STK33: variants seen among roughly 807,000 people sequenced by gnomAD.
STK33 encodes the protein serine/threonine-protein kinase 33.
STK33 carries 52 observed loss-of-function variants against 58.0 expected under a neutral mutation model. That is an observed-to-expected ratio of 0.90 (90% CI 0.72 to 1.13). The LOEUF (loss-of-function observed/expected upper bound fraction) is 1.13, where lower values mean the gene tolerates loss of function less well. Ranked by LOEUF, STK33 falls within the 50% of genes most tolerant of loss-of-function variation. The pLI is 0.00. For missense variants in STK33, 630 were observed against 604.2 expected (o/e 1.04, Z -0.45); for synonymous variants, 215 against 200.1 (o/e 1.07, Z -0.63).
intron 1 of STK33, among the ~76,000 whole-genome samples, chr11:8,553,178 A>ATATATATATATATATATGGTGTATG (rs1956440880): frequency 2.6e-5 from 2 of 75,614 alleles, no homozygotes; most frequent in African/African-American, 1.5e-4. Context: ...ATATATATAT[A>ATATATATATATATATATGGTGTATG]TATATATATA....
chr11:8,490,396 G>A (rs1287759587), intron 1 of STK33, among the ~76,000 whole-genome samples: 1 of 152,172 alleles, frequency 6.6e-6, no homozygotes, highest in Non-Finnish European at 1.5e-5. Flanking sequence ...GGCTTGAGTA[G>A]GTAAACAAAG....
chr11:8,488,459 G>A (rs1360656209), intron 1 of STK33, among the ~76,000 whole-genome samples: 1 of 152,100 alleles, frequency 6.6e-6, no homozygotes, highest in East Asian at 1.9e-4. Context: ...TGGAAGCTCT[G>A]CACAAGCAGG....
intron 1 of STK33, among the ~76,000 whole-genome samples, chr11:8,562,629 C>T (rs574524540): frequency 1.1e-4 from 17 of 151,566 alleles, no homozygotes; most frequent in Admixed American, 3.3e-4. Flanking sequence ...TTTTTGTTTG[C>T]TTTTCATTCT....
intron 1 of STK33, among the ~76,000 whole-genome samples, chr11:8,579,231 T>G (rs182047316): frequency 1.3e-5 from 2 of 152,024 alleles, no homozygotes; most frequent in Non-Finnish European, 2.9e-5. Context: ...CATCATACAT[T>G]TGGTATAGGT....
At chr11:8,569,128 G>A (rs1302701527) in intron 1 of STK33, among the ~76,000 whole-genome samples, 1 of 152,168 alleles carries the variant, frequency 6.6e-6, no homozygotes, top group Non-Finnish European at 1.5e-5. Flanking sequence ...TGGCTGCACA[G>A]TTTATAGAAA....
At chr11:8,374,134 T>C in the STK33 span, among the ~76,000 whole-genome samples, 12 of 152,204 alleles carry the variant, frequency 7.9e-5, no homozygotes, top group Non-Finnish European at 1.3e-4. Flanking sequence ...ATCTGGCTGA[T>C]GTCTCCAAGC....
chr11:8,339,411 T>C, the STK33 span, among the ~76,000 whole-genome samples: 12 of 152,194 alleles, frequency 7.9e-5, no homozygotes, highest in African/African-American at 2.9e-4. Context: ...AATTTTGTCT[T>C]TGGTAAATTT....
chr11:8,464,041 T>G (rs1292034448), intron 7 of STK33, among the ~76,000 whole-genome samples: 2 of 152,310 alleles, frequency 1.3e-5, no homozygotes, highest in East Asian at 3.9e-4. Flanking sequence ...AATGTGGTAT[T>G]TATCATCACA....
chr11:8,412,766 C>T (rs898367958), intron 15 of STK33, among the ~76,000 whole-genome samples: 1 of 152,108 alleles, frequency 6.6e-6, no homozygotes, highest in Non-Finnish European at 1.5e-5. Flanking sequence ...GGAAGGAGAA[C>T]AAACACATAC....
intron 15 of STK33, among the ~76,000 whole-genome samples, chr11:8,395,071 G>C (rs957690109): frequency 7.2e-5 from 11 of 152,182 alleles, no homozygotes; most frequent in African/African-American, 2.7e-4. Context: ...GGATGTGGTT[G>C]TCATTCCACT....
intron 1 of STK33, among the ~76,000 whole-genome samples, chr11:8,529,993 A>G (rs1290821712): frequency 6.6e-6 from 1 of 152,232 alleles, no homozygotes; most frequent in African/African-American, 2.4e-5. Context: ...GGATGTTTTT[A>G]AATGAACATG....
chr11:8,515,276 T>C (rs772360193), intron 1 of STK33, among the ~76,000 whole-genome samples: 1 of 152,126 alleles, frequency 6.6e-6, no homozygotes, highest in African/African-American at 2.4e-5. Flanking sequence ...AAGAGACTAC[T>C]ACGAACAATT....
At chr11:8,586,277 G>T (rs10840081) in intron 1 of STK33, among the ~76,000 whole-genome samples, 90,282 of 150,096 alleles carry the variant, frequency 0.6, 27,457 homozygotes, top group African/African-American at 0.65. Flanking sequence ...GCATAACAGG[G>T]TCTCTGTAAA....
intron 11 of STK33, among the ~76,000 whole-genome samples, chr11:8,452,334 T>A (rs1270433184): frequency 6.6e-6 from 1 of 152,102 alleles, no homozygotes; most frequent in Admixed American, 6.6e-5. Context: ...AATAACAAAA[T>A]TTTTTTAAAT....
intron 11 of STK33, among the ~76,000 whole-genome samples, chr11:8,449,818 T>C (rs1366446245): frequency 6.6e-6 from 1 of 152,080 alleles, no homozygotes. Context: ...TCATCACTGG[T>C]CTTTAGAGAA....
chr11:8,543,296 A>T lies in STK33; in HGVS notation c.-466+50787T>A, dbSNP rs1248216932. On this transcript the variant is annotated intron_variant, in intron 1 of 15. Transcript: ENST00000687296. ...TCAGTGATTAAGAGCTCAAAAATAT[A>T]TTTTTAACTATGGGAATTAAAACAT... Among the ~76,000 whole-genome samples, 3 of 152,238 alleles carry T rather than the reference A, an allele frequency of 2.0e-5. No homozygotes were observed. The East Asian group carries it at 5.8e-4, about 29-fold the overall frequency.
intron 1 of STK33, among the ~76,000 whole-genome samples, chr11:8,490,700 C>T (rs1950546600): frequency 6.6e-6 from 1 of 152,086 alleles, no homozygotes; most frequent in Non-Finnish European, 1.5e-5. Flanking sequence ...GGCAGGTGCC[C>T]CTCTGGAACA....
Position 8,425,876 on chromosome 11 carries a change from A to G in STK33, c.1146+9618T>C, listed in dbSNP as rs377732936. 5.3e-5 allele frequency among the ~76,000 whole-genome samples: 8 copies of G among 152,150 alleles called. No homozygotes were observed. In the South Asian group the frequency reaches 8.3e-4, roughly 16 times the overall value. ...CGCTTCTTCTGTGTCCCGCGGCTCA[A>G]ACCTCTAGAGGGAGGATGCAGATGG... On this transcript the variant is annotated intron_variant, in intron 14 of 15. Transcript: ENST00000687296.
At chr11:8,489,790 G>A (rs1337650604) in intron 1 of STK33, among the ~76,000 whole-genome samples, 1 of 152,082 alleles carries the variant, frequency 6.6e-6, no homozygotes, top group African/African-American at 2.4e-5. Context: ...TAGCAATTCT[G>A]GAGTTAAAAA....
Sources: gnomAD v4.1 joint callset for allele counts (sites outside exome capture counted in the v4.1 genomes callset) on GRCh38, gnomAD v4.1.1 for gene constraint, MANE v1.5 for transcripts, NCBI Gene and HGNC (gene_info 2026-07-23, HGNC 2026-07-21) for gene names.